Variants in NAALADL2 observed in about 807,000 individuals in gnomAD.
NAALADL2 encodes the protein N-acetylated alpha-linked acidic dipeptidase like 2.
Under a neutral mutation model 87.2 loss-of-function variants are expected in NAALADL2, and 76 were observed. The ratio of observed to expected loss-of-function variants is 0.87; its 90% CI spans 0.72 to 1.05. NAALADL2 has a LOEUF of 1.05. Ranked by LOEUF, NAALADL2 falls within the 50% of genes least tolerant of loss-of-function variation. NAALADL2 has a pLI of 0.00. For missense variants in NAALADL2, 1,089 were observed against 945.8 expected (o/e 1.15, Z -1.99); for synonymous variants, 354 against 331.0 (o/e 1.07, Z -0.75).
chr3:174,550,456 C>T (rs1378222566), intron 1 of NAALADL2: 2 of 151,930 alleles, frequency 1.3e-5, no homozygotes, highest in African/African-American at 4.8e-5. Flanking sequence ...CATAATTATT[C>T]TGCAACGTAG....
intron 11 of NAALADL2, among the ~76,000 whole-genome samples, chr3:175,708,948 A>T (rs1327463886): frequency 6.6e-6 from 1 of 151,600 alleles, no homozygotes; most frequent in Non-Finnish European, 1.5e-5. Context: ...CCTAAACCTG[A>T]TAATAGACAT....
chr3:175,485,877 G>A (rs1727190602), intron 9 of NAALADL2, among the ~76,000 whole-genome samples: 1 of 152,180 alleles, frequency 6.6e-6, no homozygotes, highest in Admixed American at 6.6e-5. Flanking sequence ...GCTCTTAGAA[G>A]AAGAGACAGG....
At chr3:175,214,112 CAAAT>C (rs1363926088) in intron 2 of NAALADL2, among the ~76,000 whole-genome samples, 1 of 152,044 alleles carries the variant, frequency 6.6e-6, no homozygotes, top group Non-Finnish European at 1.5e-5. Flanking sequence ...CTTTTTGAAA[CAAAT>C]GAAGATATTT....
chr3:174,778,229 T>C (rs1715458010), intron 3 of NAALADL2, among the ~76,000 whole-genome samples: 1 of 152,094 alleles, frequency 6.6e-6, no homozygotes, highest in Admixed American at 6.6e-5. Flanking sequence ...TTGGAACTTA[T>C]CTTGATTAAT....
Position 175,308,098 on chromosome 3 carries a change from A to C in NAALADL2, c.940-16077A>C, listed in dbSNP as rs73047235. Among the ~76,000 whole-genome samples, 432 of 152,320 alleles carry C rather than the reference A, an allele frequency of 2.8e-3. 2 individuals are homozygous for C. The highest frequency in any genetic ancestry group is 9.2e-3 in the African/African-American group (382 of 41,580). On this transcript the variant is annotated intron_variant, in intron 4 of 13. Transcript: ENST00000454872. The stretch of plus-strand genomic sequence containing the variant: ...GTTTTAATCAAGTTTAGATGTATTC[A>C]TGTGGGATAGACATTTTTACAGAGA...
intron 1 of NAALADL2, among the ~76,000 whole-genome samples, chr3:174,878,688 G>A (rs1728817247): frequency 6.6e-6 from 1 of 151,832 alleles, no homozygotes. Flanking sequence ...ATTTGCCCCT[G>A]TACACTGCAG....
intron 9 of NAALADL2, among the ~76,000 whole-genome samples, chr3:175,474,699 G>C (rs149448598): frequency 6.7e-6 from 1 of 148,308 alleles, no homozygotes; most frequent in East Asian, 2.1e-4. Flanking sequence ...TGCTGGCATT[G>C]GGGGGAGGTT....
At chr3:175,437,357 C>T (rs1718871688) in intron 5 of NAALADL2, among the ~76,000 whole-genome samples, 1 of 145,566 alleles carries the variant, frequency 6.9e-6, no homozygotes, top group Non-Finnish European at 1.5e-5. Context: ...ACAATTGCTT[C>T]CAAGAGAATA....
intron 1 of NAALADL2, among the ~76,000 whole-genome samples, chr3:174,548,994 C>G (rs1054553551): frequency 5.3e-5 from 8 of 152,170 alleles, no homozygotes; most frequent in Non-Finnish European, 1.2e-4. Context: ...TCATGCAGCA[C>G]CATGCCCGGC....
intron 2 of NAALADL2, among the ~76,000 whole-genome samples, chr3:174,627,637 G>T (rs1721710004): frequency 6.6e-6 from 1 of 152,170 alleles, no homozygotes; most frequent in African/African-American, 2.4e-5. Flanking sequence ...ACACCTGCAC[G>T]TGTATGTTTT....
intron 2 of NAALADL2, among the ~76,000 whole-genome samples, chr3:174,596,152 A>G (rs775689): frequency 0.48 from 73,674 of 152,100 alleles, 20,636 homozygotes; most frequent in East Asian, 0.8. Context: ...TACACTTAGA[A>G]TTCTGGAAAG....
chr3:175,278,470 T>C (rs890478887), intron 4 of NAALADL2, among the ~76,000 whole-genome samples: 1 of 152,194 alleles, frequency 6.6e-6, no homozygotes, highest in Non-Finnish European at 1.5e-5. Flanking sequence ...ACAAGAGGAA[T>C]CTTAGCCAGT....
chr3:175,354,881 T>TATACACACAC (rs1553872126), intron 5 of NAALADL2, among the ~76,000 whole-genome samples: 39 of 146,882 alleles, frequency 2.7e-4, no homozygotes, highest in African/African-American at 9.0e-4. Context: ...TACATATATA[T>TATACACACAC]ACACACACAC....
At chr3:175,013,842 A>C (rs1750477821) in intron 1 of NAALADL2, among the ~76,000 whole-genome samples, 2 of 151,970 alleles carry the variant, frequency 1.3e-5, no homozygotes, top group Admixed American at 1.3e-4. Context: ...GCTGATTTTC[A>C]TTCCTTAAGT....
At chr3:175,030,933 G>T (rs1444341302) in intron 1 of NAALADL2, among the ~76,000 whole-genome samples, 2 of 151,814 alleles carry the variant, frequency 1.3e-5, no homozygotes, top group African/African-American at 4.8e-5. Flanking sequence ...TTAAAAAAAT[G>T]TAAGGTTTGT....
At chr3:174,459,791 A>T (rs1159686702) in intron 1 of NAALADL2, 1 of 152,144 alleles carries the variant, frequency 6.6e-6, no homozygotes, top group Non-Finnish European at 1.5e-5. Flanking sequence ...CCTTTTGTTC[A>T]TGTTTTTAAA....
chr3:175,718,666 C>A lies in NAALADL2; in HGVS notation c.1897-18640C>A, dbSNP rs910361786. 4 of 1,569,756 alleles carry A rather than the reference C, an allele frequency of 2.5e-6. No individual in the cohort carries two copies. In the African/African-American group the frequency reaches 5.4e-5, roughly 21 times the overall value. ...TTACTCCCGAGCCCGTGGTGGCTGC[C>A]ATCTTGCGTTTTCTTGTATTTTTAT... On this transcript the variant is annotated intron_variant, in intron 11 of 13. Transcript: ENST00000454872.
At position 174,563,936 on chromosome 3, in the gene NAALADL2, G is replaced by A. The variant is rs1459810445; in HGVS notation, c.-115+13299G>A. ...TGCAAAGTACTGCTTTAAACCTTCC[G>A]TAGATGGGGCTGGTTGGAATTCCAA... On this transcript the variant is annotated intron_variant, in intron 2 of 3. Coordinates refer to the NAALADL2 transcript ENST00000434257. Among the ~76,000 whole-genome samples, 6 of 152,096 alleles carry A rather than the reference G, an allele frequency of 3.9e-5. 1 individual carries two copies. The highest frequency in any genetic ancestry group is 2.6e-4 in the Admixed American group (4 of 15,252).
At chr3:175,644,441 TTG>T (rs2149769613) in intron 11 of NAALADL2, among the ~76,000 whole-genome samples, 1 of 152,236 alleles carries the variant, frequency 6.6e-6, no homozygotes, top group East Asian at 1.9e-4. Context: ...CTGAGGATAA[TTG>T]TGATGATTTA....
Sources: gnomAD v4.1 joint callset for allele counts (sites outside exome capture counted in the v4.1 genomes callset) on GRCh38, gnomAD v4.1.1 for gene constraint, MANE v1.5 for transcripts, NCBI Gene and HGNC (gene_info 2026-07-23, HGNC 2026-07-21) for gene names.